The following FANK1 variants were observed in gnomAD, a reference collection of about 807,000 sequenced individuals.
FANK1 encodes the protein fibronectin type 3 and ankyrin repeat domains protein 1.
A neutral mutation model predicts 45.3 loss-of-function variants in FANK1; 44 were observed. That is an observed-to-expected ratio of 0.97 (90% confidence interval 0.76 to 1.25). The LOEUF is 1.25. Among genes scored for constraint, FANK1 ranks in the 50% most tolerant of loss-of-function variants. The pLI is 0.00. For synonymous variants in FANK1, 149 were observed against 152.5 expected (o/e 0.98, Z 0.17); for missense variants, 391 against 424.4 (o/e 0.92, Z 0.69).
intron 1 of FANK1, among the ~76,000 whole-genome samples, chr10:125,912,443 AGTGTGTGTGTGTGTGT>A (rs60956003): frequency 1.4e-3 from 202 of 147,296 alleles, no homozygotes; most frequent in African/African-American, 3.8e-3. Context: ...GCACCACCAA[AGTGTGTGTGTGTGTGT>A]GTGTGTGTGT....
intron 1 of FANK1, among the ~76,000 whole-genome samples, chr10:125,954,042 C>T (rs1000414341): frequency 5.8e-5 from 7 of 119,814 alleles, no homozygotes; most frequent in African/African-American, 2.0e-4. Flanking sequence ...GGTTTTTATC[C>T]CTAACACAGT....
intron 1 of FANK1, among the ~76,000 whole-genome samples, chr10:125,903,942 TG>T (rs2134104450): frequency 6.6e-6 from 1 of 152,124 alleles, no homozygotes; most frequent in African/African-American, 2.4e-5. Flanking sequence ...CTCCACCTCC[TG>T]GGTTTAAGCT....
chr10:125,903,787 T>C (rs1282783410), intron 1 of FANK1, among the ~76,000 whole-genome samples: 2 of 152,092 alleles, frequency 1.3e-5, no homozygotes, highest in East Asian at 3.8e-4. Context: ...GTTTAGTGTA[T>C]TACTCCTCTC....
At chr10:125,948,066 C>G (rs545604902) in intron 1 of FANK1, among the ~76,000 whole-genome samples, 1 of 148,660 alleles carries the variant, frequency 6.7e-6, no homozygotes, top group African/African-American at 2.5e-5. Context: ...TTGAAACCAA[C>G]GAGAACAAAG....
chr10:125,920,576 G>A (rs541261213), intron 1 of FANK1, among the ~76,000 whole-genome samples: 9 of 152,276 alleles, frequency 5.9e-5, no homozygotes, highest in Admixed American at 5.9e-4. Flanking sequence ...TGTGACTTAT[G>A]GGTAGCATTG....
intron 2 of FANK1, among the ~76,000 whole-genome samples, chr10:125,985,286 A>G (rs769990803): frequency 1.3e-5 from 2 of 152,236 alleles, no homozygotes; most frequent in African/African-American, 4.8e-5. Flanking sequence ...CTGAACTTCT[A>G]AAGATCTTTT....
intron 1 of FANK1, among the ~76,000 whole-genome samples, chr10:125,951,529 T>C (rs1185507736): frequency 1.3e-5 from 2 of 152,196 alleles, no homozygotes; most frequent in Non-Finnish European, 2.9e-5. Context: ...GTGCTGACTG[T>C]AGAAATTGTT....
intron 1 of FANK1, among the ~76,000 whole-genome samples, chr10:125,903,097 C>T (rs1327121545): frequency 6.6e-6 from 1 of 152,310 alleles, no homozygotes; most frequent in Non-Finnish European, 1.5e-5. Flanking sequence ...CCGTGTCTTT[C>T]CCCAAGCTCA....
In FANK1 at chr10:125,997,505, T is replaced by C; in HGVS notation, c.539+20T>C. On this transcript the variant is annotated intron_variant, in intron 6 of 10. Transcript: ENST00000368693. ...GGACAGGTAGGAGGTGGGATATGAC[T>C]GAAATTGTGCTGATGTTCTCAGAAT... 1 of 1,608,832 alleles carries C rather than the reference T, an allele frequency of 6.2e-7. No homozygotes were observed. The highest frequency in any genetic ancestry group is 8.5e-7 in the Non-Finnish European group (1 of 1,176,336).
intron 6 of FANK1, among the ~76,000 whole-genome samples, chr10:125,998,524 GAATT>G (rs1249583656): frequency 1.3e-5 from 2 of 152,050 alleles, no homozygotes; most frequent in Non-Finnish European, 2.9e-5. Context: ...AAAAATGAAA[GAATT>G]AAAAGTAGAC....
In FANK1 at chr10:126,009,582, T is replaced by C. The variant is rs759631747; in HGVS notation, c.*144T>C. ...CACTGATCCCACTTTGAAATACATCTTTTTACCTAAGCATGTGCGTATGTG... is the reference window on the plus strand; with the variant it reads ...CACTGATCCCACTTTGAAATACATCCTTTTACCTAAGCATGTGCGTATGTG... On this transcript the variant is annotated 3_prime_UTR_variant, in exon 11 of 11. Coordinates refer to ENST00000368693, the MANE Select transcript of FANK1 (RefSeq NM_145235.5). 1.0e-4 allele frequency: 85 copies of C among 837,416 alleles called. No individual in the cohort carries two copies. Among genetic ancestry groups the C allele is most frequent in the Non-Finnish European group, 1.5e-4 (82 of 541,958 alleles). 51.9% of individuals were successfully genotyped at this position (837,416 alleles called of 1,614,324 possible).
At chr10:125,963,911 A>G (rs1325973992) in intron 1 of FANK1, among the ~76,000 whole-genome samples, 1 of 152,186 alleles carries the variant, frequency 6.6e-6, no homozygotes, top group East Asian at 1.9e-4. Flanking sequence ...AAAACATTTT[A>G]AGATAATTTT....
intron 1 of FANK1, among the ~76,000 whole-genome samples, chr10:125,967,279 G>T (rs1399932408): frequency 6.6e-6 from 1 of 152,168 alleles, no homozygotes; most frequent in Non-Finnish European, 1.5e-5. Flanking sequence ...TTTGAATCCT[G>T]GCTCTGCTGC....
intron 1 of FANK1, among the ~76,000 whole-genome samples, chr10:125,939,798 G>A (rs1454487100): frequency 2.0e-5 from 3 of 151,950 alleles, no homozygotes; most frequent in Non-Finnish European, 2.9e-5. Flanking sequence ...ACAGATGATT[G>A]CCTTACATAA....
In FANK1 at chr10:125,907,505, G is replaced by C. The variant is rs1589792857; in HGVS notation, c.13+10850G>C. On this transcript the variant is annotated intron_variant, in intron 1 of 10. Transcript: ENST00000368693. ...CTTTTGGATGAAATCGAGTGAACGT[G>C]AGTAGGATCTGTGACTTGTTTCTAA... 4.1e-6 allele frequency: 4 copies of C among 985,226 alleles called. No individual in the cohort carries two copies. The South Asian group carries it at 1.4e-4, about 35-fold the overall frequency. 61.0% of individuals were successfully genotyped at this position (985,226 alleles called of 1,614,324 possible).
In FANK1 at chr10:125,963,905, CA is replaced by C. The variant is rs373475706; in HGVS notation, c.14-16255del. Among the ~76,000 whole-genome samples, 250 of 151,650 alleles carry C rather than the reference CA, an allele frequency of 1.6e-3. 1 individual carries two copies. Among genetic ancestry groups the C allele is most frequent in the South Asian group, 9.2e-3 (44 of 4,796 alleles). On this transcript the variant is annotated intron_variant, in intron 1 of 10. Coordinates refer to ENST00000368693, the MANE Select transcript of FANK1 (RefSeq NM_145235.5). The stretch of plus-strand genomic sequence containing the variant: ...CTTAAAGTATAATAATAAAAAAAAA[CA>C]TTTTAAGATAATTTTGCAGTGCAGC...
chr10:125,943,292 T>G (rs1317238805), intron 1 of FANK1, among the ~76,000 whole-genome samples: 2 of 152,222 alleles, frequency 1.3e-5, no homozygotes, highest in Non-Finnish European at 2.9e-5. Flanking sequence ...TTTTCTAAAT[T>G]GCAGTTAAAA....
At chr10:125,988,953 A>G (rs1033946615) in intron 3 of FANK1, 2 of 551,986 alleles carry the variant, frequency 3.6e-6, no homozygotes, top group Middle Eastern at 5.1e-4. Context: ...TTCTTAGGAA[A>G]TGGGCCACAG....
chr10:125,950,476 C>G (rs1412296838), intron 1 of FANK1, among the ~76,000 whole-genome samples: 1 of 151,890 alleles, frequency 6.6e-6, no homozygotes, highest in Non-Finnish European at 1.5e-5. Context: ...AGACACTTCT[C>G]AGAAGAAGAC....
Sources: gnomAD v4.1 joint callset for allele counts (sites outside exome capture counted in the v4.1 genomes callset) on GRCh38, gnomAD v4.1.1 for gene constraint, MANE v1.5 for transcripts, NCBI Gene and HGNC (gene_info 2026-07-23, HGNC 2026-07-21) for gene names.